The following SEMA3A variants were observed in gnomAD, a reference collection of about 807,000 sequenced individuals.
SEMA3A encodes the protein semaphorin-3A.
Under a neutral mutation model 97.9 loss-of-function variants are expected in SEMA3A, and 29 were observed. That is an observed-to-expected ratio of 0.30 (90% CI 0.22 to 0.40). SEMA3A has a LOEUF of 0.40. Among genes scored for constraint, SEMA3A ranks in the 10% least tolerant of loss-of-function variants. The probability of loss-of-function intolerance (pLI) is 1.00; values close to 1 mark genes in which losing one functional copy is unlikely to be tolerated. For missense variants in SEMA3A, 763 were observed against 951.3 expected, an observed-to-expected ratio of 0.80 and a Z score of 2.60; for synonymous variants, 321 against 323.7, an observed-to-expected ratio of 0.99 and a Z score of 0.09.
At chr7:84,422,419 T>A (rs1804624257) in intron 1 of SEMA3A, among the ~76,000 whole-genome samples, 1 of 152,142 alleles carries the variant, frequency 6.6e-6, no homozygotes, top group African/African-American at 2.4e-5. Flanking sequence ...TTATTCTTTA[T>A]TGGTCTGGCT....
intron 2 of SEMA3A, among the ~76,000 whole-genome samples, chr7:84,319,252 T>C (rs952417586): frequency 6.6e-6 from 1 of 152,070 alleles, no homozygotes; most frequent in Non-Finnish European, 1.5e-5. Context: ...TGCATCAATG[T>C]GATCAGGAAT....
At chr7:84,262,715 A>C (rs1158525430) in intron 3 of SEMA3A, among the ~76,000 whole-genome samples, 2 of 152,240 alleles carry the variant, frequency 1.3e-5, no homozygotes, top group African/African-American at 4.8e-5. Context: ...TATAATCAGT[A>C]GAAGCACTTA....
chr7:84,071,178 T>G (rs1271916295), intron 4 of SEMA3A, among the ~76,000 whole-genome samples: 1 of 152,164 alleles, frequency 6.6e-6, no homozygotes, highest in Non-Finnish European at 1.5e-5. Context: ...GTCAGCTTCA[T>G]GAGTCACATT....
chr7:84,358,103 G>T (rs1177995243), intron 2 of SEMA3A, among the ~76,000 whole-genome samples: 2 of 152,096 alleles, frequency 1.3e-5, no homozygotes, highest in Non-Finnish European at 2.9e-5. Flanking sequence ...TCACACTGAC[G>T]GTAGTTTATT....
At chr7:84,057,544 A>G (rs1793037569) in intron 5 of SEMA3A, among the ~76,000 whole-genome samples, 1 of 152,100 alleles carries the variant, frequency 6.6e-6, no homozygotes, top group East Asian at 1.9e-4. Context: ...AGGTGGGTGG[A>G]TCACGAGGTC....
At chr7:84,426,961 C>T (rs1490076496) in intron 1 of SEMA3A, among the ~76,000 whole-genome samples, 1 of 152,052 alleles carries the variant, frequency 6.6e-6, no homozygotes, top group African/African-American at 2.4e-5. Context: ...TATTTATGTA[C>T]ATTCTCTCTA....
At chr7:84,330,749 T>G (rs1022697259) in intron 2 of SEMA3A, among the ~76,000 whole-genome samples, 1 of 152,114 alleles carries the variant, frequency 6.6e-6, no homozygotes, top group Non-Finnish European at 1.5e-5. Flanking sequence ...ACAAGCACTT[T>G]TTTTAAAAAA....
intron 4 of SEMA3A, among the ~76,000 whole-genome samples, chr7:84,103,074 G>A (rs4469382): frequency 6.6e-6 from 1 of 152,094 alleles, no homozygotes; most frequent in Non-Finnish European, 1.5e-5. Context: ...CAATGACATT[G>A]CTATGTATAC....
At chr7:84,343,662 T>C (rs908830856) in intron 2 of SEMA3A, among the ~76,000 whole-genome samples, 8 of 151,970 alleles carry the variant, frequency 5.3e-5, no homozygotes, top group African/African-American at 1.9e-4. Context: ...CAATATAAAA[T>C]TAGCAGTATG....
intron 3 of SEMA3A, among the ~76,000 whole-genome samples, chr7:84,236,876 T>C (rs1372943442): frequency 1.3e-5 from 2 of 152,068 alleles, no homozygotes; most frequent in Non-Finnish European, 2.9e-5. Context: ...ACCTTCATGA[T>C]TGTGAATACC....
intron 4 of SEMA3A, among the ~76,000 whole-genome samples, chr7:84,072,530 T>A (rs1427587958): frequency 3.3e-5 from 5 of 152,158 alleles, no homozygotes; most frequent in Admixed American, 3.3e-4. Flanking sequence ...AATATATAAT[T>A]TATTTTTGAT....
At chr7:84,150,281 G>A (rs1295392985) in intron 1 of SEMA3A, among the ~76,000 whole-genome samples, 3 of 152,312 alleles carry the variant, frequency 2.0e-5, no homozygotes, top group African/African-American at 4.8e-5. Context: ...AGCTCCCAGC[G>A]TGAGCGACGC....
At chr7:84,135,497 T>C (rs1484975909) in intron 1 of SEMA3A, among the ~76,000 whole-genome samples, 1 of 152,138 alleles carries the variant, frequency 6.6e-6, no homozygotes, top group East Asian at 1.9e-4. Flanking sequence ...GGAAGTGAAA[T>C]AACTTGTCTA....
chr7:84,034,055 C>T (rs1023264380), intron 6 of SEMA3A, among the ~76,000 whole-genome samples: 1 of 151,746 alleles, frequency 6.6e-6, no homozygotes, highest in Non-Finnish European at 1.5e-5. Context: ...GTGATCTCAG[C>T]TCACTGTCAC....
chr7:84,253,312 C>A (rs941959891), intron 3 of SEMA3A, among the ~76,000 whole-genome samples: 1 of 151,608 alleles, frequency 6.6e-6, no homozygotes, highest in African/African-American at 2.4e-5. Flanking sequence ...ATATGAGTAG[C>A]AAGACAGATC....
At chr7:84,168,228 A>T (rs1187640587) in intron 1 of SEMA3A, among the ~76,000 whole-genome samples, 1 of 152,044 alleles carries the variant, frequency 6.6e-6, no homozygotes, top group Non-Finnish European at 1.5e-5. Flanking sequence ...AGACAAAATA[A>T]TGTGCCTCTT....
intron 6 of SEMA3A, among the ~76,000 whole-genome samples, chr7:84,020,190 C>T (rs554128902): frequency 1.1e-4 from 16 of 151,244 alleles, no homozygotes; most frequent in Middle Eastern, 3.4e-3. Context: ...GGATTACAGG[C>T]GATGCCACCA....
chr7:84,166,599 G>C (rs1379841131), intron 1 of SEMA3A, among the ~76,000 whole-genome samples: 1 of 150,608 alleles, frequency 6.6e-6, no homozygotes, highest in African/African-American at 2.4e-5. Flanking sequence ...CCGGGGGGGC[G>C]CAGTGGCTCA....
chr7:84,058,905 G>A (rs1009373892), intron 5 of SEMA3A, among the ~76,000 whole-genome samples: 1 of 152,092 alleles, frequency 6.6e-6, no homozygotes, highest in Non-Finnish European at 1.5e-5. Context: ...TTGGGTGGTT[G>A]CATACCATAT....
Sources: allele counts gnomAD v4.1 joint callset (sites outside exome capture counted in the v4.1 genomes callset), GRCh38; gene constraint gnomAD v4.1.1; transcripts MANE v1.5; gene names NCBI Gene and HGNC (gene_info 2026-07-23, HGNC 2026-07-21).